The following ST18 variants were observed in gnomAD, a reference collection of about 807,000 sequenced individuals.
ST18 encodes suppression of tumorigenicity 18 protein.
A neutral mutation model predicts 110.0 loss-of-function variants in ST18; 50 were observed. That is an observed-to-expected ratio of 0.45 (90% CI 0.36 to 0.58). The LOEUF is 0.58. ST18 is among the 20% of genes least tolerant of loss of function. The pLI, the probability that ST18 is intolerant of heterozygous loss-of-function variation, is 0.00. For synonymous variants in ST18, 461 were observed against 452.4 expected (o/e 1.02, Z -0.24); for missense variants, 1,306 against 1,280.1 (o/e 1.02, Z -0.31).
intron 7 of ST18, among the ~76,000 whole-genome samples, chr8:52,212,384 A>G (rs1259905701): frequency 6.6e-6 from 1 of 152,210 alleles, no homozygotes. Flanking sequence ...TTGAAAATTC[A>G]CAGGAGCACA....
chr8:52,332,416 G>C (rs1809944369), intron 2 of ST18, among the ~76,000 whole-genome samples: 1 of 149,940 alleles, frequency 6.7e-6, no homozygotes, highest in African/African-American at 2.4e-5. Flanking sequence ...CAAGAGAAGA[G>C]AATTCTCTTA....
intron 2 of ST18, among the ~76,000 whole-genome samples, chr8:52,373,689 CTAACA>C (rs764667268): frequency 4.6e-5 from 7 of 152,168 alleles, no homozygotes; most frequent in Non-Finnish European, 8.8e-5. Context: ...TCCTCTTTTC[CTAACA>C]TAAGTTTCAG....
intron 2 of ST18, among the ~76,000 whole-genome samples, chr8:52,300,214 T>A (rs955312038): frequency 2.6e-5 from 4 of 152,234 alleles, no homozygotes; most frequent in Non-Finnish European, 4.4e-5. Flanking sequence ...AAACACGGAA[T>A]TGCTTTTCTC....
chr8:52,305,263 C>T (rs975483110), intron 2 of ST18, among the ~76,000 whole-genome samples: 2 of 152,126 alleles, frequency 1.3e-5, no homozygotes, highest in African/African-American at 4.8e-5. Context: ...TTGGAAAAAG[C>T]CTTTCACTTG....
chr8:52,247,653 A>G (rs796764056), intron 2 of ST18, among the ~76,000 whole-genome samples: 5 of 152,364 alleles, frequency 3.3e-5, no homozygotes, highest in Non-Finnish European at 5.9e-5. Flanking sequence ...AACATTCATC[A>G]CAGAAAGATA....
At chr8:52,348,035 C>G (rs1349783830) in intron 2 of ST18, among the ~76,000 whole-genome samples, 1 of 152,088 alleles carries the variant, frequency 6.6e-6, no homozygotes, top group Non-Finnish European at 1.5e-5. Flanking sequence ...AAACTATGGT[C>G]CATGAGCCAG....
At chr8:52,308,066 C>T (rs918184535) in intron 2 of ST18, among the ~76,000 whole-genome samples, 19 of 152,142 alleles carry the variant, frequency 1.2e-4, no homozygotes, top group Admixed American at 3.3e-4. Context: ...ACTTTGGAAC[C>T]GTGTTGAAGG....
chr8:52,206,537 C>T (rs925131992), intron 8 of ST18: 1 of 152,236 alleles, frequency 6.6e-6, no homozygotes, highest in Non-Finnish European at 1.5e-5. Flanking sequence ...CACGGAGCCC[C>T]TCCATCACAC....
chr8:52,244,150 C>T (rs899049537), intron 2 of ST18, among the ~76,000 whole-genome samples: 7 of 152,100 alleles, frequency 4.6e-5, no homozygotes, highest in Non-Finnish European at 7.4e-5. Flanking sequence ...GTGGCAAAGA[C>T]GGGCCATGGT....
intron 2 of ST18, among the ~76,000 whole-genome samples, chr8:52,306,653 A>G (rs1190114916): frequency 1.3e-5 from 2 of 152,222 alleles, no homozygotes; most frequent in East Asian, 3.9e-4. Context: ...TAGCAGAAAA[A>G]GAGTCAGGAC....
chr8:52,349,888 A>T lies in ST18; in HGVS notation c.-465+59440T>A, dbSNP rs867973627. Among the ~76,000 whole-genome samples the T allele has an allele frequency of 2.6e-5, 4 of 152,142 alleles. 1 individual carries two copies. The South Asian group carries it at 8.3e-4, about 31-fold the overall frequency. On this transcript the variant is annotated intron_variant, in intron 2 of 25. Coordinates refer to ENST00000689386, the MANE Select transcript of ST18 (RefSeq NM_001352837.2). ...GGAGAGTAGGGGGTCAGGGGGAAGGAGGAGGACTGTCTGGAAAGCCCCTAG... is the reference window on the plus strand; with the variant it reads ...GGAGAGTAGGGGGTCAGGGGGAAGGTGGAGGACTGTCTGGAAAGCCCCTAG...
At chr8:52,341,093 T>A (rs1019552019) in intron 2 of ST18, among the ~76,000 whole-genome samples, 1 of 152,184 alleles carries the variant, frequency 6.6e-6, no homozygotes, top group South Asian at 2.1e-4. Flanking sequence ...CTAATCAAAC[T>A]GCACCCTGTA....
intron 3 of ST18, among the ~76,000 whole-genome samples, chr8:52,223,253 T>C (rs2087681288): frequency 6.6e-6 from 1 of 152,076 alleles, no homozygotes; most frequent in Non-Finnish European, 1.5e-5. Flanking sequence ...AAAAATAGAG[T>C]ATATCAGATT....
At chr8:52,293,333 T>C (rs762107219) in intron 2 of ST18, among the ~76,000 whole-genome samples, 19 of 152,236 alleles carry the variant, frequency 1.2e-4, no homozygotes, top group Non-Finnish European at 2.2e-4. Context: ...ATGGCCACCA[T>C]GACTGATCTC....
intron 16 of ST18, among the ~76,000 whole-genome samples, chr8:52,148,700 AGGAGGGGAGG>A (rs368518929): frequency 6.4e-5 from 4 of 62,640 alleles, no homozygotes; most frequent in Admixed American, 2.3e-4. Context: ...GAAGGAGGGG[AGGAGGGGAGG>A]GGAGGGGAGG....
rs1344595676 is a variant in ST18, at chr8:52,132,018, C to A, written c.2606G>T (p.Cys869Phe). Reference sequence around the variant, plus strand: ...CAGCCCATTGCAGCCTGGCAAGGGACAATGTGGTAGCTCTTGTTTGTTCAG... The same window carrying A: ...CAGCCCATTGCAGCCTGGCAAGGGAAAATGTGGTAGCTCTTGTTTGTTCAG... Reference protein sequence around the residue: ...WKLNKQELPHCPLPGCNGLGH... With the variant: ...WKLNKQELPHFPLPGCNGLGH... The change falls in exon 22 of 26, where the codon TGT (cysteine) becomes TTT (phenylalanine). Residue 869 changes from cysteine to phenylalanine, a missense_variant. Cys to Phe is a radical substitution (Grantham distance 205, BLOSUM62 -2). Coordinates refer to ENST00000689386, the MANE Select transcript of ST18 (RefSeq NM_001352837.2). 6.2e-7 allele frequency: 1 copy of A among 1,614,092 alleles called. No individual in the cohort carries two copies. The highest frequency in any genetic ancestry group is 8.5e-7 in the Non-Finnish European group (1 of 1,180,048).
chr8:52,275,895 A>G (rs558461607), intron 2 of ST18, among the ~76,000 whole-genome samples: 1 of 151,718 alleles, frequency 6.6e-6, no homozygotes, highest in Non-Finnish European at 1.5e-5. Context: ...AGCAAGAAAC[A>G]AATGTGAGAA....
chr8:52,175,518 C>G (rs1563874808), intron 9 of ST18, among the ~76,000 whole-genome samples: 1 of 152,142 alleles, frequency 6.6e-6, no homozygotes, highest in Non-Finnish European at 1.5e-5. Context: ...CTGGCACTAC[C>G]TGCTGTGTGA....
At chr8:52,367,667 A>G (rs1233031647) in intron 2 of ST18, among the ~76,000 whole-genome samples, 1 of 152,232 alleles carries the variant, frequency 6.6e-6, no homozygotes, top group Non-Finnish European at 1.5e-5. Flanking sequence ...TTCAACCCAT[A>G]CACCAATTAG....
Sources: gnomAD v4.1 joint callset for allele counts (sites outside exome capture counted in the v4.1 genomes callset) on GRCh38, gnomAD v4.1.1 for gene constraint, MANE v1.5 for transcripts, NCBI Gene and HGNC (gene_info 2026-07-23, HGNC 2026-07-21) for gene names.